SND1: variants seen among roughly 807,000 people sequenced by gnomAD.
SND1 encodes staphylococcal nuclease domain-containing protein 1.
In SND1, 38 loss-of-function variants were observed where a neutral mutation model predicts 121.7. The observed-to-expected ratio is 0.31, with a 90% CI of 0.24 to 0.41. The LOEUF is 0.41. Among genes scored for constraint, SND1 ranks in the 10% least tolerant of loss-of-function variants. SND1 has a pLI of 1.00. For synonymous variants in SND1, 401 were observed against 447.4 expected (o/e 0.90, Z 1.31); for missense variants, 868 against 1,184.6 (o/e 0.73, Z 3.92).
intron 16 of SND1, among the ~76,000 whole-genome samples, chr7:128,013,757 C>T (rs1445849371): frequency 6.6e-6 from 1 of 152,238 alleles, no homozygotes; most frequent in Non-Finnish European, 1.5e-5. Flanking sequence ...GCTGATCTCA[C>T]ATGAGGCGGA....
intron 11 of SND1, among the ~76,000 whole-genome samples, chr7:127,842,904 A>C (rs530688600): frequency 1.3e-5 from 2 of 152,182 alleles, no homozygotes; most frequent in Non-Finnish European, 2.9e-5. Flanking sequence ...GAGGCAGTTC[A>C]TATTTTTAAA....
At chr7:128,059,003 G>A (rs117747398) in intron 16 of SND1, among the ~76,000 whole-genome samples, 579 of 152,144 alleles carry the variant, frequency 3.8e-3, no homozygotes, top group Non-Finnish European at 6.6e-3. Flanking sequence ...CCGTCATCCC[G>A]TGTTTCTCTA....
Position 128,092,321 on chromosome 7 carries a change from CTT to C in SND1, c.*269_*270del. 2.5e-5 allele frequency: 11 copies of C among 436,042 alleles called. No homozygotes were observed. The highest frequency in any genetic ancestry group is 5.9e-4 in the Middle Eastern group (1 of 1,694). The allele number at this position is 436,042 out of a possible 1,614,324, so 27.0% of individuals were successfully genotyped here. ...TTGGTTTTATTTGGAGGTTTGTGGGCTTTTTTTAAAAAAAAAAAGTCCTCAAA... is the reference window on the plus strand; with the variant it reads ...TTGGTTTTATTTGGAGGTTTGTGGGCTTTTTAAAAAAAAAAAGTCCTCAAA... On this transcript the variant is annotated 3_prime_UTR_variant, in exon 24 of 24. Coordinates refer to ENST00000354725, the MANE Select transcript of SND1 (RefSeq NM_014390.4). This position sits in a 1 kb window ranked among gnomAD's most constrained non-coding sequence, Gnocchi z 4.9.
At chr7:127,824,481 G>A (rs922509405) in intron 11 of SND1, among the ~76,000 whole-genome samples, 1 of 152,154 alleles carries the variant, frequency 6.6e-6, no homozygotes, top group Non-Finnish European at 1.5e-5. Flanking sequence ...CCTGATTCTT[G>A]ATAAGTTGTT....
intron 10 of SND1, among the ~76,000 whole-genome samples, chr7:127,775,922 T>C (rs1797611587): frequency 6.6e-6 from 1 of 152,158 alleles, no homozygotes; most frequent in Admixed American, 6.5e-5. Context: ...ACACACACTT[T>C]GCATATGTAT....
intron 9 of SND1, among the ~76,000 whole-genome samples, chr7:127,717,830 G>A (rs1587617244): frequency 6.6e-6 from 1 of 152,158 alleles, no homozygotes; most frequent in Admixed American, 6.5e-5. Flanking sequence ...GAACAAAAAG[G>A]AAGCTTTTTT....
chr7:127,845,077 C>A (rs1799034843), intron 12 of SND1, among the ~76,000 whole-genome samples: 1 of 152,220 alleles, frequency 6.6e-6, no homozygotes, highest in Non-Finnish European at 1.5e-5. Context: ...TTCCATTTAA[C>A]AATCTTATAT....
intron 15 of SND1, among the ~76,000 whole-genome samples, chr7:127,935,047 T>TA (rs1003825448): frequency 6.6e-6 from 1 of 152,066 alleles, no homozygotes; most frequent in Non-Finnish European, 1.5e-5. Flanking sequence ...ATCAAGTATA[T>TA]AAAAACTGTA....
At chr7:127,959,415 A>G (rs1427429653) in intron 15 of SND1, among the ~76,000 whole-genome samples, 1 of 152,138 alleles carries the variant, frequency 6.6e-6, no homozygotes, top group African/African-American at 2.4e-5. Flanking sequence ...CATTTGACTC[A>G]GAGTGCAAGC....
intron 12 of SND1, among the ~76,000 whole-genome samples, chr7:127,849,776 T>A (rs1435611775): frequency 6.6e-6 from 1 of 152,228 alleles, no homozygotes; most frequent in Non-Finnish European, 1.5e-5. Context: ...TTTTCTCATA[T>A]TTTCCTTCTG....
intron 16 of SND1, chr7:127,997,785 G>T: frequency 1.9e-6 from 1 of 534,736 alleles, no homozygotes; most frequent in Non-Finnish European, 3.8e-6. Flanking sequence ...ATTACATTTT[G>T]TTTCTCCCAT....
rs556411786 is a variant in SND1, at chr7:127,653,183, G to C, written c.78+732G>C. ...TAGTGCTCATAGCACTATAGATTCT[G>C]CCTGATTTTATATACCCTCAACTTT... On this transcript the variant is annotated intron_variant, in intron 1 of 23. Coordinates refer to ENST00000354725, the MANE Select transcript of SND1 (RefSeq NM_014390.4). 1.9e-3 allele frequency among the ~76,000 whole-genome samples: 294 copies of C among 152,266 alleles called. 2 individuals are homozygous for C. The highest frequency in any genetic ancestry group is 6.7e-3 in the African/African-American group (278 of 41,546).
At chr7:127,884,927 G>T (rs1331428850) in intron 12 of SND1, among the ~76,000 whole-genome samples, 1 of 152,084 alleles carries the variant, frequency 6.6e-6, no homozygotes, top group Admixed American at 6.6e-5. Flanking sequence ...CACTGGTAGG[G>T]TTGATATTCC....
intron 15 of SND1, among the ~76,000 whole-genome samples, chr7:127,933,506 A>C (rs1203347528): frequency 6.6e-6 from 1 of 152,234 alleles, no homozygotes; most frequent in Non-Finnish European, 1.5e-5. Flanking sequence ...CTCAGTTTGC[A>C]TCATGGCTCT....
chr7:128,029,234 T>C lies in SND1; in HGVS notation c.1779+38178T>C. The C allele has an allele frequency of 6.2e-7, 1 of 1,614,094 alleles. No individual in the cohort carries two copies. Among genetic ancestry groups the C allele is most frequent in the East Asian group, 2.2e-5 (1 of 44,870 alleles). On this transcript the variant is annotated intron_variant, in intron 16 of 23. Coordinates refer to ENST00000354725, the MANE Select transcript of SND1 (RefSeq NM_014390.4). The surrounding 1 kb of genome is among the most constrained non-coding windows in gnomAD (Gnocchi z 4.2). ...TAGGAACAGGCTTGTACTTTCGCGT[T>C]GTGTCCTCAGGCGAGATCTCCGTGG...
At chr7:127,876,365 A>AG (rs1799690119) in intron 12 of SND1, among the ~76,000 whole-genome samples, 1 of 152,132 alleles carries the variant, frequency 6.6e-6, no homozygotes, top group Non-Finnish European at 1.5e-5. Flanking sequence ...GAGAGGCAGT[A>AG]GGAGCCTCAA....
intron 12 of SND1, among the ~76,000 whole-genome samples, chr7:127,869,329 G>A (rs1427411781): frequency 6.6e-6 from 1 of 152,148 alleles, no homozygotes; most frequent in Non-Finnish European, 1.5e-5. Context: ...GCGAAGGAGG[G>A]AATGGGGACA....
At chr7:127,939,900 C>T (rs939909632) in intron 15 of SND1, among the ~76,000 whole-genome samples, 3 of 152,146 alleles carry the variant, frequency 2.0e-5, no homozygotes, top group Non-Finnish European at 2.9e-5. Context: ...TACTCTAAAG[C>T]GTTCTATTGT....
intron 16 of SND1, among the ~76,000 whole-genome samples, chr7:128,059,961 G>A (rs1290066273): frequency 2.0e-5 from 3 of 152,208 alleles, no homozygotes; most frequent in African/African-American, 4.8e-5. Context: ...GGCTTAACAT[G>A]TAAGAGGTAA....
Sources: allele counts gnomAD v4.1 joint callset (sites outside exome capture counted in the v4.1 genomes callset), GRCh38; gene constraint gnomAD v4.1.1; non-coding constraint Gnocchi (gnomAD v3.1); transcripts MANE v1.5; gene names NCBI Gene and HGNC (gene_info 2026-07-23, HGNC 2026-07-21).